The following TMC7 variants were observed in gnomAD, a reference collection of about 807,000 sequenced individuals.
TMC7 encodes transmembrane channel like 7.
A neutral mutation model predicts 82.9 loss-of-function variants in TMC7; 54 were observed. The ratio of observed to expected loss-of-function variants is 0.65; its 90% confidence interval spans 0.52 to 0.82. TMC7 has a LOEUF of 0.82. TMC7 is among the 40% of genes least tolerant of loss of function. The pLI is 0.00. For missense variants in TMC7, 820 were observed against 901.2 expected (o/e 0.91, Z 1.15); for synonymous variants, 350 against 337.9 (o/e 1.04, Z -0.39).
At position 19,030,276 on chromosome 16, in the gene TMC7, T is replaced by C; in HGVS notation, c.764T>C (p.Val255Ala). The C allele has an allele frequency of 1.2e-6, 2 of 1,613,428 alleles. No homozygotes were observed. Among genetic ancestry groups the C allele is most frequent in the Non-Finnish European group, 1.7e-6 (2 of 1,179,894 alleles). Residue 255 changes from valine (V) to alanine (A), a missense_variant, in exon 6 of 16, where the codon GTG becomes GCG. Transcript: ENST00000304381. The part of the protein sequence containing the change: ...LFYGHYTIDG[V>A]KFQNFTYDLP... The stretch of plus-strand genomic sequence containing the variant: ...TACGGACATTACACCATTGATGGGG[T>C]GAAATTTCAGAACTTCACCTATGAT...
rs1195801483 is a variant in TMC7, at chr16:19,056,628, G to A, written c.1958G>A (p.Ser653Asn). 1 of 1,614,024 alleles carries A rather than the reference G, an allele frequency of 6.2e-7. No individual in the cohort carries two copies. The highest frequency in any genetic ancestry group is 1.3e-5 in the African/African-American group (1 of 75,008). ...VIPKTVSTFP[S>N]SLQSFIHGVT... ...CCCAAGACGGTGAGCACCTTCCCCA[G>A]CTCGCTGCAGTCCTTCATCCATGGT... Residue 653 changes from serine (S) to asparagine (N), a missense_variant, in exon 14 of 16, where the codon AGC becomes AAC. By Grantham distance (46) the Ser-to-Asn change is conservative (BLOSUM62 1). Transcript: ENST00000304381.
intron 2 of TMC7, among the ~76,000 whole-genome samples, chr16:19,013,466 C>G (rs1026429639): frequency 6.6e-6 from 1 of 152,142 alleles, no homozygotes; most frequent in African/African-American, 2.4e-5. Context: ...ATCCGCCTGC[C>G]TCGGCCTCCC....
At chr16:19,014,900 A>AT (rs1361059069) in intron 2 of TMC7, among the ~76,000 whole-genome samples, 1 of 151,714 alleles carries the variant, frequency 6.6e-6, no homozygotes, top group African/African-American at 2.4e-5. Context: ...ATTTCATGTG[A>AT]TTTTCATGTG....
rs75911640 is a variant in TMC7, at chr16:19,045,282, C to G, written c.1456-59C>G. On this transcript the variant is annotated intron_variant, in intron 10 of 15. Coordinates refer to ENST00000304381, the MANE Select transcript of TMC7 (RefSeq NM_024847.4). ...AGGGAATTAGAAGGTGTCTTGGGAG[C>G]CTGGTTTTCTCTGCCTCAGCTAGGG... The G allele has an allele frequency of 3.4e-3, 4,784 of 1,387,374 alleles. 131 individuals are homozygous for G. The African/African-American group carries it at 0.059, about 17-fold the overall frequency. The allele number at this position is 1,387,374 out of a possible 1,614,324, so 85.9% of individuals were successfully genotyped here.
intron 12 of TMC7, chr16:19,049,606 C>A (rs762030799): frequency 1.7e-5 from 17 of 985,040 alleles, no homozygotes; most frequent in Non-Finnish European, 1.9e-5. Context: ...TTTTCCCTTT[C>A]CAGGAAATAC....
At chr16:19,057,908 C>T (rs546180117) in intron 14 of TMC7, among the ~76,000 whole-genome samples, 1 of 151,692 alleles carries the variant, frequency 6.6e-6, no homozygotes, top group South Asian at 2.1e-4. Flanking sequence ...ACCCCCATTT[C>T]AGATCTAGAG....
chr16:19,042,574 C>T (rs1961065086), intron 9 of TMC7, among the ~76,000 whole-genome samples: 1 of 149,298 alleles, frequency 6.7e-6, no homozygotes, highest in South Asian at 2.1e-4. Flanking sequence ...GTGGCTCGAT[C>T]TTGGCTCACT....
chr16:19,045,116 G>T, intron 10 of TMC7, 115 bp downstream of exon 10: 2 of 948,732 alleles, frequency 2.1e-6, no homozygotes, highest in Non-Finnish European at 3.4e-6. Context: ...TCGCTTTCTT[G>T]TTCTAGTGAT....
Position 19,020,164 on chromosome 16 carries a change from TAAG to T in TMC7, c.461-1461_461-1459del, listed in dbSNP as rs574658428. ...AACTTCAGTTCTCATTTTTAGCAAA[TAAG>T]AAGTAGATAAGACCTTTCTTAATTT... On this transcript the variant is annotated intron_variant, in intron 3 of 15. Transcript: ENST00000304381. 2.4e-3 allele frequency among the ~76,000 whole-genome samples: 372 copies of T among 152,262 alleles called. 1 individual carries two copies. The highest frequency in any genetic ancestry group is 4.3e-3 in the Non-Finnish European group (290 of 68,020).
chr16:19,009,545 T>C (rs2039300268), intron 2 of TMC7, 130 bp downstream of exon 2: 7 of 1,189,532 alleles, frequency 5.9e-6, no homozygotes. Flanking sequence ...GCTAAGCCTC[T>C]TTGACAAACA....
chr16:19,011,011 A>G (rs1025607975), intron 2 of TMC7, among the ~76,000 whole-genome samples: 4 of 152,138 alleles, frequency 2.6e-5, no homozygotes, highest in African/African-American at 9.7e-5. Flanking sequence ...GTGGGAAAAT[A>G]TTCCTCCCGC....
intron 13 of TMC7, among the ~76,000 whole-genome samples, chr16:19,056,055 T>A (rs537655684): frequency 4.2e-4 from 64 of 152,296 alleles, no homozygotes; most frequent in African/African-American, 1.4e-3. Flanking sequence ...AGAGACTTGA[T>A]AAAATTTCAG....
intron 15 of TMC7, among the ~76,000 whole-genome samples, chr16:19,060,308 C>T (rs1961947050): frequency 6.6e-6 from 1 of 151,952 alleles, no homozygotes; most frequent in Non-Finnish European, 1.5e-5. Context: ...GGTCTCAAGC[C>T]ATCCTCCCAC....
intron 10 of TMC7, 94 bp downstream of exon 10, chr16:19,045,095 C>T (rs1484114328): frequency 9.6e-6 from 10 of 1,044,548 alleles, no homozygotes; most frequent in South Asian, 1.3e-5. Flanking sequence ...TGGGTTTGAA[C>T]TGCATTTGCT....
At chr16:19,009,074 C>G (rs2039290424) in intron 1 of TMC7, 98 bp from the exon 2 acceptor site, 1 of 1,366,834 alleles carries the variant, frequency 7.3e-7, no homozygotes, top group Non-Finnish European at 1.0e-6. Flanking sequence ...AGGCTAGTAA[C>G]TATCTGCAAG....
chr16:18,985,514 C>T lies in TMC7; in HGVS notation c.67+1384C>T, dbSNP rs570822782. 7.2e-5 allele frequency among the ~76,000 whole-genome samples: 11 copies of T among 152,216 alleles called. No individual in the cohort carries two copies. In the South Asian group the frequency reaches 2.1e-3, roughly 29 times the overall value. The stretch of plus-strand genomic sequence containing the variant: ...TTTTTAGTTGGTTCCTATTAATAGT[C>T]ATCTTATTTTAGTGGAATCCATTAT... On this transcript the variant is annotated intron_variant, in intron 1 of 15. Coordinates refer to ENST00000304381, the MANE Select transcript of TMC7 (RefSeq NM_024847.4).
Position 19,037,959 on chromosome 16 carries a change from T to C in TMC7, c.1091T>C (p.Phe364Ser). 6 of 1,614,186 alleles carry C rather than the reference T, an allele frequency of 3.7e-6. No homozygotes were observed. Among genetic ancestry groups the C allele is most frequent in the Non-Finnish European group, 5.1e-6 (6 of 1,180,030 alleles). ...ETIRIYSLRL[F>S]LNCIVLAVLG... Reference sequence around the variant, plus strand: ...ATACGCATTTACTCTTTGAGACTGTTTTTGAACTGTATTGTTCTGGCTGTT... The same window carrying C: ...ATACGCATTTACTCTTTGAGACTGTCTTTGAACTGTATTGTTCTGGCTGTT... The change falls in exon 8 of 16, where the codon TTT becomes TCT. Residue 364 changes from phenylalanine (F) to serine (S), a missense_variant. Phe to Ser is a radical substitution (Grantham distance 155). Around this residue, in one of 2 missense-constraint regions of TMC7, gnomAD observed 650 missense variants for 669.9 expected, o/e 0.97. Coordinates refer to ENST00000304381, the MANE Select transcript of TMC7 (RefSeq NM_024847.4).
intron 2 of TMC7, among the ~76,000 whole-genome samples, chr16:19,011,586 G>A (rs1959351525): frequency 6.6e-6 from 1 of 151,824 alleles, no homozygotes; most frequent in African/African-American, 2.4e-5. Flanking sequence ...GTGTGGTGAT[G>A]TGTGCCTATA....
At position 18,999,010 on chromosome 16, in the gene TMC7, C is replaced by G. The variant is rs537956475; in HGVS notation, c.68-10162C>G. On this transcript the variant is annotated intron_variant, in intron 1 of 15. Transcript: ENST00000304381. ...GGCTCCTCCCCTCTCAGACTAAGCT[C>G]TGGGCTGCTGTGATTGAGGCCCCTC... Among the ~76,000 whole-genome samples, 9 of 152,274 alleles carry G rather than the reference C, an allele frequency of 5.9e-5. No homozygotes were observed. The East Asian group carries it at 1.7e-3, about 29-fold the overall frequency.
Sources: gnomAD v4.1 joint callset for allele counts (sites outside exome capture counted in the v4.1 genomes callset) on GRCh38, gnomAD v4.1.1 for gene constraint, gnomAD v4.1.1 regional missense constraint, MANE v1.5 for transcripts, NCBI Gene and HGNC (gene_info 2026-07-23, HGNC 2026-07-21) for gene names.